SPEF1: variants seen among roughly 807,000 people sequenced by gnomAD.
SPEF1 encodes sperm flagella and cilia-associated protein 1.
Under a neutral mutation model 31.8 loss-of-function variants are expected in SPEF1, and 30 were observed. That is an observed-to-expected ratio of 0.94 (90% CI 0.70 to 1.28). The LOEUF (loss-of-function observed/expected upper bound fraction) is 1.28. Among genes scored for constraint, SPEF1 ranks in the 50% most tolerant of loss-of-function variants. SPEF1 has a pLI of 0.00. For missense variants in SPEF1, 298 were observed against 309.6 expected (o/e 0.96, Z 0.28); for synonymous variants, 126 against 130.1 (o/e 0.97, Z 0.21).
chr20:3,778,126 A>G lies in SPEF1; in HGVS notation c.*86T>C, dbSNP rs901553118. ...GAGAGCAGCGGGCTCCGCCCTCCCA[A>G]TGGTCTATCCATCGGTGGGTGGGTC... On this transcript the variant is annotated 3_prime_UTR_variant, in exon 7 of 7. Transcript: ENST00000379756. The G allele has an allele frequency of 2.3e-5, 22 of 972,940 alleles. No homozygotes were observed. The highest frequency in any genetic ancestry group is 1.2e-4 in the South Asian group (7 of 58,460). The allele number at this position is 972,940 out of a possible 1,614,324, so 60.3% of individuals were successfully genotyped here.
chr20:3,778,366 T>C, intron 6 of SPEF1, 47 bp from the exon 7 acceptor site: 2 of 1,613,414 alleles, frequency 1.2e-6, no homozygotes, highest in Non-Finnish European at 1.7e-6. Context: ...TGCTCCCTCC[T>C]GCCCGGCCTC....
rs2088765873 is a variant in SPEF1, at chr20:3,779,296, G to A, written c.278C>T (p.Ala93Val). ...CTCCACCACGCCTGGGGCGCACTGC[G>A]CGATCTTGCGCATCACGTCATCCGG... ...SVPDDVMRKI[A>V]QCAPGVVELV... The change falls in exon 3 of 7, where the codon GCG becomes GTG. Residue 93 changes from alanine to valine, a missense_variant. Physicochemically the swap from Ala to Val is moderately conservative, Grantham distance 64 (BLOSUM62 0). Transcript: ENST00000379756. The A allele has an allele frequency of 1.3e-6, 2 of 1,599,370 alleles. No individual in the cohort carries two copies. The highest frequency in any genetic ancestry group is 1.1e-5 in the South Asian group (1 of 88,826).
At chr20:3,779,551 G>A (rs2088767496) in intron 2 of SPEF1, 113 bp downstream of exon 2, 8 of 937,200 alleles carry the variant, frequency 8.5e-6, no homozygotes, top group Non-Finnish European at 1.4e-5. Flanking sequence ...TCTTGATTTT[G>A]TAATCGGACG....
Position 3,780,941 on chromosome 20 carries a change from A to G in SPEF1, c.109+238T>C, listed in dbSNP as rs556466523. 4.0e-5 allele frequency among the ~76,000 whole-genome samples: 6 copies of G among 151,748 alleles called. 1 individual carries two copies. In the South Asian group the frequency reaches 1.2e-3, roughly 32 times the overall value. On this transcript the variant is annotated intron_variant, in intron 1 of 6. Transcript: ENST00000379756. ...CTTAATCATTAATGTCCCTGGAGGG[A>G]GTTAGAGGCACCCCCCCCAACATGC...
Position 3,778,472 on chromosome 20 carries a change from G to A in SPEF1, c.552C>T (p.Leu184=), listed in dbSNP as rs186622147. The A allele has an allele frequency of 1.2e-6, 2 of 1,613,676 alleles. No individual in the cohort carries two copies. The highest frequency in any genetic ancestry group is 2.7e-5 in the African/African-American group (2 of 75,054). Residue 184 remains leucine, a synonymous_variant, in exon 6 of 7, where the codon CTC becomes CTT. Coordinates refer to ENST00000379756, the MANE Select transcript of SPEF1 (RefSeq NM_015417.5). ...GCTCCTGCTCCTTTTCAGCGATCTG[G>A]AGGACGAAGCTGGGGTCGCCCTGCA... ...RALQGDPSFV[L]QIAEKEQELL... is the part of the protein sequence containing the mutation.
At position 3,778,208 on chromosome 20, in the gene SPEF1, C is replaced by T. The variant is rs755474027; in HGVS notation, c.*4G>A. 2 of 1,563,418 alleles carry T rather than the reference C, an allele frequency of 1.3e-6. No individual in the cohort carries two copies. Among genetic ancestry groups the T allele is most frequent in the Non-Finnish European group, 8.7e-7 (1 of 1,155,430 alleles). On this transcript the variant is annotated 3_prime_UTR_variant, in exon 7 of 7. Transcript: ENST00000379756. The stretch of plus-strand genomic sequence containing the variant: ...GGGCGTCCCCGCGCGGCCCGGGCCG[C>T]CGCTCACCGCTGCTTACGCTCCGCC...
intron 1 of SPEF1, among the ~76,000 whole-genome samples, chr20:3,780,602 C>T (rs941464566): frequency 7.9e-5 from 12 of 152,138 alleles, no homozygotes; most frequent in Middle Eastern, 3.2e-3. Flanking sequence ...GTAGAACACA[C>T]ATAGACAGAA....
chr20:3,779,243 G>T lies in SPEF1; in HGVS notation c.331C>A (p.Leu111Met). 1 of 1,590,610 alleles carries T rather than the reference G, an allele frequency of 6.3e-7. No homozygotes were observed. The highest frequency in any genetic ancestry group is 8.6e-7 in the Non-Finnish European group (1 of 1,167,270). The change falls in exon 3 of 7, where the codon CTG becomes ATG. Residue 111 changes from leucine to methionine, a missense_variant. Transcript: ENST00000379756. ...TTCCTGCGCCTCTGCCTCTCCTCCA[G>T]GCGCTGCCTCAGCGGGATGAGCACC... ...ELVLIPLRQR[L>M]EERQRRRKQG...
chr20:3,781,036 CA>C (rs2088776397), intron 1 of SPEF1, 142 bp downstream of exon 1: 2 of 1,032,436 alleles, frequency 1.9e-6, no homozygotes, highest in East Asian at 5.2e-5. Flanking sequence ...AAATAGAAAA[CA>C]AGCACACACA....
In SPEF1 at chr20:3,778,727, G is replaced by C; in HGVS notation, c.479+19C>G. ...GAGATCACCAGCCTGGTGAAGTCTG[G>C]AACTCCCAGCTTCTTTACCTGAGCT... On this transcript the variant is annotated intron_variant, in intron 5 of 6. Transcript: ENST00000379756. 6.2e-7 allele frequency: 1 copy of C among 1,612,740 alleles called. No individual in the cohort carries two copies. The highest frequency in any genetic ancestry group is 8.5e-7 in the Non-Finnish European group (1 of 1,179,080).
At chr20:3,778,860 C>T in intron 4 of SPEF1, 54 bp from the exon 5 acceptor site, 1 of 1,608,994 alleles carries the variant, frequency 6.2e-7, no homozygotes, top group Non-Finnish European at 8.5e-7. Context: ...TCTCCTGCTT[C>T]CCCCTCCCTA....
At chr20:3,779,804 G>A (rs767807517) in intron 1 of SPEF1, 29 bp from the exon 2 acceptor site, 9 of 1,305,686 alleles carry the variant, frequency 6.9e-6, no homozygotes, top group Admixed American at 3.5e-5. Context: ...GACATGGAAA[G>A]TGGGGGCATG....
rs372508942 is a variant in SPEF1 at position 3,779,787 on chromosome 20, G to C, written c.110-12C>G. ...CTCTGCAACAAGGACTGAGGGAGAG[G>C]GGAGCAGACATGGAAAGTGGGGGCA... On this transcript the variant is annotated splice_polypyrimidine_tract_variant and intron_variant, in intron 1 of 6. Coordinates refer to ENST00000379756, the MANE Select transcript of SPEF1 (RefSeq NM_015417.5). The C allele has an allele frequency of 6.5e-7, 1 of 1,545,774 alleles. No homozygotes were observed. The highest frequency in any genetic ancestry group is 8.9e-7 in the Non-Finnish European group (1 of 1,120,084).
At chr20:3,778,679 C>G (rs1285488586) in intron 5 of SPEF1, 67 bp downstream of exon 5, 4 of 1,587,788 alleles carry the variant, frequency 2.5e-6, no homozygotes, top group Non-Finnish European at 3.4e-6. Flanking sequence ...GCGTACCGTG[C>G]CCCCCAACCC....
intron 3 of SPEF1, 50 bp downstream of exon 3, chr20:3,779,146 C>A: frequency 6.5e-7 from 1 of 1,541,716 alleles, no homozygotes; most frequent in Non-Finnish European, 8.8e-7. Flanking sequence ...CTGGGGAGCG[C>A]CCCCCACCCA....
intron 2 of SPEF1, 88 bp from the exon 3 acceptor site, chr20:3,779,440 T>G (rs2088766915): frequency 1.7e-6 from 2 of 1,189,398 alleles, no homozygotes; most frequent in Non-Finnish European, 2.4e-6. Flanking sequence ...TGGTGGTTGC[T>G]GTTCTGAGTG....
rs1389149954 is a variant in SPEF1, at chr20:3,781,418, G to T, written c.-131C>A. ...CTGCCTGCCTAATCCAGAGACTCAC[G>T]TCCCAGCTGGGAGCGGCCATATTGT... On this transcript the variant is annotated 5_prime_UTR_variant, in exon 1 of 7. Coordinates refer to ENST00000379756, the MANE Select transcript of SPEF1 (RefSeq NM_015417.5). The T allele has an allele frequency of 3.7e-6, 5 of 1,356,830 alleles. No individual in the cohort carries two copies. Among genetic ancestry groups the T allele is most frequent in the Non-Finnish European group, 9.8e-7 (1 of 1,020,038 alleles). The allele number at this position is 1,356,830 out of a possible 1,614,324, so 84.0% of individuals were successfully genotyped here. A position where few individuals can be genotyped will look rare whatever the true frequency, so the allele number is the denominator to read the frequency against.
At chr20:3,780,786 C>G (rs1270522398) in intron 1 of SPEF1, among the ~76,000 whole-genome samples, 2 of 149,738 alleles carry the variant, frequency 1.3e-5, no homozygotes, top group African/African-American at 5.1e-5. Flanking sequence ...CACACAAGAC[C>G]CCCCCAAATA....
rs2088753743 is a variant in SPEF1, at chr20:3,777,821, G to C, written c.*391C>G. ...CGTCCTCGGAGCTGGGCGGGGACCT[G>C]ATTCTGGGGGTGTGGACAGAGCCAA... On this transcript the variant is annotated 3_prime_UTR_variant, in exon 7 of 7. Transcript: ENST00000379756. The surrounding 1 kb of genome is among the most constrained non-coding windows in gnomAD (Gnocchi z 4.1). 1 of 170,270 alleles carries C rather than the reference G, an allele frequency of 5.9e-6. No individual in the cohort carries two copies. The highest frequency in any genetic ancestry group is 2.4e-5 in the African/African-American group (1 of 41,922). 10.5% of individuals were successfully genotyped at this position (170,270 alleles called of 1,614,324 possible).
Sources: gnomAD v4.1 joint callset for allele counts (sites outside exome capture counted in the v4.1 genomes callset) on GRCh38, gnomAD v4.1.1 for gene constraint, Gnocchi (gnomAD v3.1) non-coding constraint, MANE v1.5 for transcripts, NCBI Gene and HGNC (gene_info 2026-07-23, HGNC 2026-07-21) for gene names.